Variants in UGT1A6 observed in about 807,000 individuals in gnomAD.
The protein encoded by UGT1A6 is UDP-glucuronosyltransferase 1A6.
In UGT1A6, 32 loss-of-function variants were observed where a neutral mutation model predicts 44.4. That is an observed-to-expected ratio of 0.72 (90% confidence interval 0.54 to 0.97). The LOEUF (loss-of-function observed/expected upper bound fraction) is 0.97. UGT1A6 is among the 50% of genes least tolerant of loss of function. The pLI is 0.00. For missense variants in UGT1A6, 685 were observed against 661.9 expected, an observed-to-expected ratio of 1.03 and a Z score of -0.38; for synonymous variants, 238 against 248.5, an observed-to-expected ratio of 0.96 and a Z score of 0.40.
At chr2:233,765,745 A>T in intron 1 of UGT1A6, among the ~76,000 whole-genome samples, 1 of 151,724 alleles carries the variant, frequency 6.6e-6, no homozygotes, top group East Asian at 1.9e-4. Flanking sequence ...AAACCCATAA[A>T]GCCATTTGAG....
chr2:233,736,864 A>G lies in UGT1A6; in HGVS notation c.862-30170A>G, dbSNP rs948375151. On this transcript the variant is annotated intron_variant, in intron 1 of 4. Transcript: ENST00000305139. ...ACCAGTGGAGGCTGCAGAACAGCAA[A>G]TATTGCAGAACAGCAAATATTGCTG... Among the ~76,000 whole-genome samples, 4 of 152,194 alleles carry G rather than the reference A, an allele frequency of 2.6e-5. No homozygotes were observed. The East Asian group carries it at 7.7e-4, about 29-fold the overall frequency.
At position 233,693,495 on chromosome 2, in the gene UGT1A6, G is replaced by T. The variant is rs756909037; in HGVS notation, c.491G>T (p.Gly164Val). 4.3e-6 allele frequency: 7 copies of T among 1,614,068 alleles called. No individual in the cohort carries two copies. The highest frequency in any genetic ancestry group is 5.9e-6 in the Non-Finnish European group (7 of 1,180,024). ...PCGVILAEYL[G>V]LPSVYLFRGF... The stretch of plus-strand genomic sequence containing the variant: ...GGGGTGATCCTGGCTGAGTATTTGG[G>T]CCTACCATCTGTGTACCTCTTCAGG... The change falls in exon 1 of 5, where the codon GGC (glycine) becomes GTC (valine). Residue 164 changes from glycine to valine, a missense_variant. Gly to Val is a moderately radical substitution (Grantham distance 109). Transcript: ENST00000305139.
At chr2:233,747,075 A>G in intron 1 of UGT1A6, 1 of 1,060,426 alleles carries the variant, frequency 9.4e-7, no homozygotes. Flanking sequence ...GTAATAATTA[A>G]CTAGGAGGAG....
chr2:233,710,120 C>T lies in UGT1A6; in HGVS notation c.861+16255C>T, dbSNP rs183297183. Among the ~76,000 whole-genome samples, 303 of 152,210 alleles carry T rather than the reference C, an allele frequency of 2.0e-3. 3 individuals carry two copies. The highest frequency in any genetic ancestry group is 6.9e-3 in the African/African-American group (286 of 41,512). On this transcript the variant is annotated intron_variant, in intron 1 of 4. Coordinates refer to ENST00000305139, the MANE Select transcript of UGT1A6 (RefSeq NM_001072.4). ...TCAATATTTCATTCGTTTCTATTTCCGAGTAGCATTTCATTGTATAGATAT... is the reference window on the plus strand; with the variant it reads ...TCAATATTTCATTCGTTTCTATTTCTGAGTAGCATTTCATTGTATAGATAT...
At chr2:233,748,112 C>T in intron 1 of UGT1A6, 1 of 1,611,964 alleles carries the variant, frequency 6.2e-7, no homozygotes, top group South Asian at 1.1e-5. Flanking sequence ...AATCAATGTT[C>T]CAGGCAAAAC....
intron 1 of UGT1A6, chr2:233,755,784 A>C (rs1162411110): frequency 6.6e-6 from 1 of 152,660 alleles, no homozygotes; most frequent in Non-Finnish European, 1.5e-5. Context: ...TATGCCTATC[A>C]TATGTACTGC....
At chr2:233,726,156 G>A (rs1332003910) in intron 1 of UGT1A6, among the ~76,000 whole-genome samples, 1 of 152,114 alleles carries the variant, frequency 6.6e-6, no homozygotes, top group Non-Finnish European at 1.5e-5. Context: ...ACAGAGTGAG[G>A]CCCCATTTCA....
chr2:233,712,871 C>T (rs1381753023), intron 1 of UGT1A6: 1 of 1,585,042 alleles, frequency 6.3e-7, no homozygotes, highest in African/African-American at 1.3e-5. Context: ...GGAGGGCACT[C>T]TGTCTTCAAT....
intron 1 of UGT1A6, chr2:233,713,393 T>C (rs780535548): frequency 4.3e-6 from 7 of 1,614,220 alleles, no homozygotes; most frequent in South Asian, 3.3e-5. Flanking sequence ...TACTGCATAA[T>C]GAGGCCCTGA....
chr2:233,723,412 A>G, intron 1 of UGT1A6, among the ~76,000 whole-genome samples: 1 of 132,624 alleles, frequency 7.5e-6, no homozygotes, highest in African/African-American at 3.1e-5. Flanking sequence ...GTTTCACCAT[A>G]CTGGTCAGGC....
chr2:233,747,886 A>G, intron 1 of UGT1A6: 2 of 1,613,554 alleles, frequency 1.2e-6, no homozygotes, highest in South Asian at 1.1e-5. Flanking sequence ...TACCTTTGCC[A>G]TGCTCTTTCT....
intron 1 of UGT1A6, among the ~76,000 whole-genome samples, chr2:233,752,885 GC>G (rs1406644444): frequency 1.3e-5 from 2 of 152,174 alleles, no homozygotes; most frequent in Non-Finnish European, 2.9e-5. Context: ...GTTAAAACTA[GC>G]CAGCGTTGTT....
At position 233,773,229 on chromosome 2, in the gene UGT1A6, G is replaced by T. The variant is rs71539604; in HGVS notation, c.*670G>T. On this transcript the variant is annotated 3_prime_UTR_variant, in exon 5 of 5. Transcript: ENST00000305139. ...AAAACCCAAAATACAGCTATGAAGT[G>T]CTGGGCAAGTTTACTTTTTTTCTGA... 2 of 152,312 alleles carry T rather than the reference G, an allele frequency of 1.3e-5. No individual in the cohort carries two copies. The highest frequency in any genetic ancestry group is 2.9e-5 in the Non-Finnish European group (2 of 68,032). The allele number at this position is 152,312 out of a possible 1,614,324, so 9.4% of individuals were successfully genotyped here.
chr2:233,730,580 A>G (rs954835717), intron 1 of UGT1A6, among the ~76,000 whole-genome samples: 1 of 152,190 alleles, frequency 6.6e-6, no homozygotes, highest in Admixed American at 6.5e-5. Flanking sequence ...TTCAGTTTCC[A>G]GACAGGGATC....
At chr2:233,711,197 T>A (rs2076167789) in intron 1 of UGT1A6, among the ~76,000 whole-genome samples, 1 of 152,222 alleles carries the variant, frequency 6.6e-6, no homozygotes, top group African/African-American at 2.4e-5. Flanking sequence ...CTCCCCACAG[T>A]CCTGCTCTCC....
At chr2:233,713,362 T>C (rs2076312243) in intron 1 of UGT1A6, 10 of 1,614,230 alleles carry the variant, frequency 6.2e-6, no homozygotes, top group Non-Finnish European at 8.5e-6. Context: ...TCTTTGATCA[T>C]ACATAGGTCT....
At chr2:233,724,339 G>GA in intron 1 of UGT1A6, among the ~76,000 whole-genome samples, 1 of 142,786 alleles carries the variant, frequency 7.0e-6, no homozygotes, top group East Asian at 2.2e-4. Context: ...GCGGGGGGCT[G>GA]ACCCCCCCCA....
At chr2:233,764,456 G>A (rs184552145) in intron 1 of UGT1A6, among the ~76,000 whole-genome samples, 34 of 152,210 alleles carry the variant, frequency 2.2e-4, no homozygotes, top group African/African-American at 7.9e-4. Context: ...TTAAACTTTC[G>A]TGATCTCCTG....
chr2:233,747,003 G>A (rs1452133223), intron 1 of UGT1A6, among the ~76,000 whole-genome samples: 4 of 151,906 alleles, frequency 2.6e-5, no homozygotes, highest in African/African-American at 4.9e-5. Flanking sequence ...AGTTTTTCAA[G>A]TAGGAGTGAT....
Sources: allele counts gnomAD v4.1 joint callset (sites outside exome capture counted in the v4.1 genomes callset), GRCh38; gene constraint gnomAD v4.1.1; transcripts MANE v1.5; gene names NCBI Gene and HGNC (gene_info 2026-07-23, HGNC 2026-07-21).